PICALM: variants seen among roughly 807,000 people sequenced by gnomAD.
The protein encoded by PICALM is phosphatidylinositol binding clathrin assembly protein, also known as phosphatidylinositol-binding clathrin assembly protein.
Under a neutral mutation model 80.5 loss-of-function variants are expected in PICALM, and 40 were observed. The observed-to-expected ratio is 0.50, with a 90% CI of 0.39 to 0.65. PICALM has a LOEUF of 0.65. Among genes scored for constraint, PICALM ranks in the 30% least tolerant of loss-of-function variants. The pLI is 0.00. For missense variants in PICALM, 676 were observed against 778.9 expected (o/e 0.87, Z 1.57); for synonymous variants, 288 against 260.3 (o/e 1.11, Z -1.02).
intron 15 of PICALM, 27 bp from the exon 16 acceptor site, chr11:85,981,802 A>G (rs765804423): frequency 1.1e-5 from 17 of 1,612,616 alleles, no homozygotes; most frequent in Admixed American, 6.7e-5. Flanking sequence ...ACAAAAAAGC[A>G]TTTTATAACA....
At chr11:85,999,708 AG>A (rs2095085649) in intron 11 of PICALM, among the ~76,000 whole-genome samples, 1 of 152,238 alleles carries the variant, frequency 6.6e-6, no homozygotes. Context: ...ATTAGGAGTC[AG>A]TAGGCAGGCA....
At chr11:85,967,394 T>A (rs1415874104) in intron 19 of PICALM, among the ~76,000 whole-genome samples, 2 of 152,222 alleles carry the variant, frequency 1.3e-5, no homozygotes, top group African/African-American at 2.4e-5. Flanking sequence ...TTCGAGAATG[T>A]CCTCAGCAAA....
chr11:86,004,242 GAATT>G (rs549493201), intron 8 of PICALM, among the ~76,000 whole-genome samples: 73 of 152,108 alleles, frequency 4.8e-4, no homozygotes, highest in Non-Finnish European at 9.0e-4. Flanking sequence ...CAATAAAGAA[GAATT>G]AATTAATGGT....
chr11:85,968,365 T>G (rs1273723697), intron 19 of PICALM, among the ~76,000 whole-genome samples: 1 of 152,138 alleles, frequency 6.6e-6, no homozygotes, highest in Non-Finnish European at 1.5e-5. Flanking sequence ...TGCCCAAAGG[T>G]AATACTCTGT....
At chr11:86,053,338 G>A (rs1251403545) in intron 1 of PICALM, among the ~76,000 whole-genome samples, 3 of 152,192 alleles carry the variant, frequency 2.0e-5, no homozygotes, top group Non-Finnish European at 4.4e-5. Flanking sequence ...GGACACAAAC[G>A]TGGACCTGTA....
rs151276701 is a variant in PICALM, at chr11:86,013,889, T to C, written c.546+981A>G. On this transcript the variant is annotated intron_variant, in intron 5 of 19. Coordinates refer to ENST00000393346, the MANE Select transcript of PICALM (RefSeq NM_007166.4). Reference sequence around the variant, plus strand: ...TAACATAAAACAGCCATAGATAATATGTATCAGTGAGCTTGGCTGTGTTCC... The same window carrying C: ...TAACATAAAACAGCCATAGATAATACGTATCAGTGAGCTTGGCTGTGTTCC... Among the ~76,000 whole-genome samples the C allele has an allele frequency of 1.4e-3, 216 of 152,322 alleles. 2 individuals carry two copies. The Middle Eastern group carries it at 0.02, about 14-fold the overall frequency.
At chr11:86,024,122 G>T (rs141395939) in intron 3 of PICALM, among the ~76,000 whole-genome samples, 2 of 151,782 alleles carry the variant, frequency 1.3e-5, no homozygotes, top group Non-Finnish European at 1.5e-5. Context: ...AGCAAGCCCC[G>T]GTCTCTCTTA....
intron 13 of PICALM, among the ~76,000 whole-genome samples, chr11:85,985,740 A>G (rs1016640148): frequency 2.6e-5 from 4 of 152,216 alleles, no homozygotes; most frequent in African/African-American, 9.7e-5. Context: ...TGTCCATGCT[A>G]TCATCAGAGT....
intron 4 of PICALM, among the ~76,000 whole-genome samples, chr11:86,015,897 C>A (rs1030178782): frequency 2.0e-5 from 3 of 152,168 alleles, no homozygotes; most frequent in African/African-American, 7.2e-5. Flanking sequence ...CGCCAAAAAA[C>A]AATTAAGCTA....
chr11:85,985,028 C>G (rs1311851713), intron 13 of PICALM, among the ~76,000 whole-genome samples: 2 of 152,092 alleles, frequency 1.3e-5, no homozygotes, highest in Non-Finnish European at 1.5e-5. Context: ...CTAAATTCTA[C>G]TAAGTCAGAA....
Position 85,996,876 on chromosome 11 carries a change from G to A in PICALM, c.1208C>T (p.Pro403Leu). ...AGCAGTTGACATAGGATGTACAGAT[G>A]GGTGAAAAGTTGGCTGCTGCAAATC... The part of the protein sequence containing the change: ...LLDLQQPTFH[P>L]SVHPMSTASQ... Residue 403 changes from proline (P) to leucine (L), a missense_variant, in exon 12 of 20, where the codon CCA becomes CTA. Pro to Leu is a moderately conservative substitution (Grantham distance 98). This residue lies in a region of PICALM where 391 missense variants were observed against 383.6 expected (regional missense o/e 1.02). Transcript: ENST00000393346. The A allele has an allele frequency of 1.9e-6, 3 of 1,612,778 alleles. No individual in the cohort carries two copies. Among genetic ancestry groups the A allele is most frequent in the Non-Finnish European group, 2.5e-6 (3 of 1,179,154 alleles).
intron 19 of PICALM, among the ~76,000 whole-genome samples, chr11:85,967,530 TATGGTACTACATCCCA>T (rs1402059857): frequency 2.0e-5 from 3 of 152,224 alleles, no homozygotes; most frequent in Admixed American, 1.3e-4. Flanking sequence ...AGTTTTCACC[TATGGTACTACATCCCA>T]ATCCCCAAGG....
intron 1 of PICALM, among the ~76,000 whole-genome samples, chr11:86,055,842 A>G (rs2096260604): frequency 6.6e-6 from 1 of 152,172 alleles, no homozygotes; most frequent in Admixed American, 6.5e-5. Context: ...AATCGAAAAA[A>G]TCAGAGGCTG....
At chr11:86,054,239 T>C (rs150608911) in intron 1 of PICALM, among the ~76,000 whole-genome samples, 20 of 152,348 alleles carry the variant, frequency 1.3e-4, no homozygotes, top group Non-Finnish European at 2.4e-4. Context: ...AACAGAATCA[T>C]GCATTCCTTC....
At chr11:86,017,053 C>T (rs537729753) in intron 4 of PICALM, among the ~76,000 whole-genome samples, 4 of 152,090 alleles carry the variant, frequency 2.6e-5, no homozygotes, top group Non-Finnish European at 5.9e-5. Flanking sequence ...GAAACCCCAT[C>T]TCTACTAAAA....
chr11:86,034,018 T>C (rs2095801839), intron 1 of PICALM, among the ~76,000 whole-genome samples: 2 of 152,226 alleles, frequency 1.3e-5, no homozygotes, highest in South Asian at 4.1e-4. Flanking sequence ...ATAAAGGTTT[T>C]TACTATAATG....
At chr11:86,053,634 C>G (rs1403447934) in intron 1 of PICALM, among the ~76,000 whole-genome samples, 1 of 152,182 alleles carries the variant, frequency 6.6e-6, no homozygotes, top group African/African-American at 2.4e-5. Context: ...GTGGCATGAT[C>G]TCGGCTCACT....
Position 86,048,571 on chromosome 11 carries a change from C to T in PICALM, c.131-16960G>A, listed in dbSNP as rs1184577051. On this transcript the variant is annotated intron_variant, in intron 1 of 19. Coordinates refer to ENST00000393346, the MANE Select transcript of PICALM (RefSeq NM_007166.4). ...AAAATAGGCCGGGTGCAGTGGCTCA[C>T]ACCTGTAATCCCAGCACTTTGGGGG... 3.3e-5 allele frequency among the ~76,000 whole-genome samples: 5 copies of T among 152,096 alleles called. No individual in the cohort carries two copies. The South Asian group carries it at 1.0e-3, about 32-fold the overall frequency.
At chr11:85,985,890 G>C (rs1040323361) in intron 13 of PICALM, among the ~76,000 whole-genome samples, 3 of 152,084 alleles carry the variant, frequency 2.0e-5, no homozygotes, top group South Asian at 2.1e-4. Flanking sequence ...CTGCTACTTT[G>C]CCTCAGCCTT....
Sources: allele counts gnomAD v4.1 joint callset (sites outside exome capture counted in the v4.1 genomes callset), GRCh38; gene constraint gnomAD v4.1.1; regional missense constraint gnomAD v4.1.1; transcripts MANE v1.5; gene names NCBI Gene and HGNC (gene_info 2026-07-23, HGNC 2026-07-21).